FER1L5: variants seen among roughly 807,000 people sequenced by gnomAD.
FER1L5 encodes the protein fer-1-like protein 5.
FER1L5 carries 187 observed loss-of-function variants against 279.9 expected under a neutral mutation model. The observed-to-expected ratio is 0.67, with a 90% CI of 0.59 to 0.75. FER1L5 has a LOEUF of 0.75. Ranked by LOEUF, FER1L5 falls within the 30% of genes least tolerant of loss-of-function variation. The pLI, the probability that FER1L5 is intolerant of heterozygous loss-of-function variation, is 0.00. For synonymous variants in FER1L5, 921 were observed against 989.7 expected, an observed-to-expected ratio of 0.93 and a Z score of 1.30; for missense variants, 2,091 against 2,594.4, an observed-to-expected ratio of 0.81 and a Z score of 4.21.
Position 96,701,389 on chromosome 2 carries a change from G to A in FER1L5, c.5071-566G>A, listed in dbSNP as rs115834234. On this transcript the variant is annotated intron_variant, in intron 45 of 52. Coordinates refer to ENST00000624922, the MANE Select transcript of FER1L5 (RefSeq NM_001293083.2). ...TCAGAAGAATATAATGAGGTCAGGT[G>A]GTCTGAAAGGCAGAACGTATTTGTG... is the stretch of plus-strand genomic sequence containing the variant. Among the ~76,000 whole-genome samples, 530 of 152,274 alleles carry A rather than the reference G, an allele frequency of 3.5e-3. 2 individuals carry two copies. The highest frequency in any genetic ancestry group is 0.011 in the Admixed American group (167 of 15,300).
intron 10 of FER1L5, among the ~76,000 whole-genome samples, chr2:96,660,675 C>T (rs1040363499): frequency 2.6e-5 from 4 of 152,202 alleles, no homozygotes; most frequent in Non-Finnish European, 2.9e-5. Context: ...CTGCTTCAGC[C>T]TCCCAAGTAG....
At chr2:96,688,973 T>C (rs971472017) in intron 24 of FER1L5, 1 of 488,980 alleles carries the variant, frequency 2.0e-6, no homozygotes, top group Non-Finnish European at 3.6e-6. Context: ...AGATGTCTTA[T>C]GATATCTCTG....
chr2:96,643,335 CA>C (rs2074963975), intron 1 of FER1L5, among the ~76,000 whole-genome samples: 1 of 152,060 alleles, frequency 6.6e-6, no homozygotes, highest in Non-Finnish European at 1.5e-5. Context: ...ATTGACAAGG[CA>C]TTATTATTAT....
chr2:96,702,096 C>T lies in FER1L5; in HGVS notation c.5159+53C>T. 1.3e-6 allele frequency: 2 copies of T among 1,595,948 alleles called. No homozygotes were observed. The highest frequency in any genetic ancestry group is 1.7e-6 in the Non-Finnish European group (2 of 1,165,314). On this transcript the variant is annotated intron_variant, in intron 46 of 52. Coordinates refer to ENST00000624922, the MANE Select transcript of FER1L5 (RefSeq NM_001293083.2). The surrounding 1 kb of genome is among the most constrained non-coding windows in gnomAD (Gnocchi z 4.0). ...TGCATTTCACAGTTCAGAACTCCCC[C>T]AGTGCAGGGCACCACTGTCCTCAGG...
intron 2 of FER1L5, among the ~76,000 whole-genome samples, 185 bp downstream of exon 2, chr2:96,646,638 C>T (rs569231901): frequency 6.6e-6 from 1 of 152,308 alleles, no homozygotes; most frequent in South Asian, 2.1e-4. Flanking sequence ...GAAGGCCACA[C>T]CTGCCCACGA....
Position 96,698,294 on chromosome 2 carries a change from A to T in FER1L5, c.4356+138A>T, listed in dbSNP as rs190365208. On this transcript the variant is annotated intron_variant, in intron 40 of 52. Coordinates refer to ENST00000624922, the MANE Select transcript of FER1L5 (RefSeq NM_001293083.2). This position sits in a 1 kb window ranked among gnomAD's most constrained non-coding sequence, Gnocchi z 5.5. ...GAGAACGTTCTGGGAGTGGAGGAGC[A>T]GAGATTCGCCTCCACAGGAACTCGG... 2.6e-5 allele frequency: 34 copies of T among 1,318,652 alleles called. No homozygotes were observed. In the East Asian group the frequency reaches 8.6e-4, roughly 34 times the overall value. 81.7% of individuals were successfully genotyped at this position (1,318,652 alleles called of 1,614,324 possible). A position where few individuals can be genotyped will look rare whatever the true frequency, so the allele number is the denominator to read the frequency against.
chr2:96,649,005 T>G (rs1573769598), intron 4 of FER1L5, among the ~76,000 whole-genome samples: 2 of 117,246 alleles, frequency 1.7e-5, no homozygotes, highest in African/African-American at 6.8e-5. Flanking sequence ...GGAGGCAGGG[T>G]GAGGGAGGGT....
chr2:96,687,103 C>T (rs1220590848), intron 23 of FER1L5, among the ~76,000 whole-genome samples: 1 of 152,172 alleles, frequency 6.6e-6, no homozygotes, highest in South Asian at 2.1e-4. Context: ...TCTAATCCTC[C>T]CTGGGGGGAC....
chr2:96,674,479 C>T (rs776519986), intron 19 of FER1L5, among the ~76,000 whole-genome samples: 1 of 152,202 alleles, frequency 6.6e-6, no homozygotes, highest in Non-Finnish European at 1.5e-5. Flanking sequence ...CCATCTCGGT[C>T]TCCCAAAGTG....
chr2:96,677,422 T>A (rs1335722233), intron 19 of FER1L5, among the ~76,000 whole-genome samples: 1 of 152,248 alleles, frequency 6.6e-6, no homozygotes, highest in Non-Finnish European at 1.5e-5. Context: ...TCACTTGGCG[T>A]AATGTTTTCC....
At position 96,693,543 on chromosome 2, in the gene FER1L5, G is replaced by T; in HGVS notation, c.3330G>T (p.Gln1110His). 1 of 1,551,376 alleles carries T rather than the reference G, an allele frequency of 6.4e-7. No individual in the cohort carries two copies. Among genetic ancestry groups the T allele is most frequent in the South Asian group, 1.2e-5 (1 of 84,030 alleles). ...FIRVVFLNHS[Q>H]CTQTLRSSAG... is the part of the protein sequence containing the mutation. ...GGGTGGTCTTCCTGAACCACAGCCA[G>T]TGCACCCAAACCCTGAGGAGCTCTG... Residue 1110 changes from glutamine (Q) to histidine (H), a missense_variant, in exon 32 of 53, where the codon CAG becomes CAT. Physicochemically the swap from Gln to His is conservative, Grantham distance 24. Coordinates refer to ENST00000624922, the MANE Select transcript of FER1L5 (RefSeq NM_001293083.2).
rs747881322 is a variant in FER1L5, at chr2:96,693,932, C to T, written c.3496C>T (p.Arg1166Trp). The T allele has an allele frequency of 2.6e-5, 41 of 1,550,432 alleles. No homozygotes were observed. Among genetic ancestry groups the T allele is most frequent in the Middle Eastern group, 3.3e-4 (2 of 5,976 alleles). The change falls in exon 33 of 53, where the codon CGG becomes TGG. Residue 1166 changes from arginine (R) to tryptophan (W), a missense_variant. Arg to Trp is a moderately radical substitution (Grantham distance 101). Transcript: ENST00000624922. ...CCAGGGCAAGGAGAGCTTGTGGGGACGGAGCGTGTGGCCCCCAATGGTCTG... is the reference window on the plus strand; with the variant it reads ...CCAGGGCAAGGAGAGCTTGTGGGGATGGAGCGTGTGGCCCCCAATGGTCTG... ...DFWGKESLWGRSVWPPMVWLD... is the reference protein window; with the variant it reads ...DFWGKESLWGWSVWPPMVWLD...
At chr2:96,653,612 C>T in intron 7 of FER1L5, 28 bp from the exon 8 acceptor site, 1 of 1,528,148 alleles carries the variant, frequency 6.5e-7, no homozygotes. Context: ...AGAAATCATC[C>T]ACTCTACCCC....
rs1023022007 is a variant in FER1L5 at position 96,703,345 on chromosome 2, C to T, written c.5690C>T (p.Ser1897Leu). ...CTCGATGGTGGCAAATGGCGCTTGTCGGTAGGAGCTGGGGAGTGTCTACTG... is the reference window on the plus strand; with the variant it reads ...CTCGATGGTGGCAAATGGCGCTTGTTGGTAGGAGCTGGGGAGTGTCTACTG... ...QVLDGGKWRL[S>L]GKVKMSLEIL... Residue 1897 changes from serine to leucine, a missense_variant and splice_region_variant, in exon 50 of 53, where the codon TCG (serine) becomes TTG (leucine). Transcript: ENST00000624922. 3.7e-6 allele frequency: 6 copies of T among 1,608,134 alleles called. No individual in the cohort carries two copies. Among genetic ancestry groups the T allele is most frequent in the South Asian group, 2.2e-5 (2 of 89,858 alleles).
Position 96,695,885 on chromosome 2 carries a change from T to C in FER1L5, c.4038T>C (p.Tyr1346=), listed in dbSNP as rs1334554295. The change falls in exon 36 of 53, where the codon TAT becomes TAC. Residue 1346 remains tyrosine (Y), a synonymous_variant. Transcript: ENST00000624922. ...PYFCDPWAQD[Y]MHPKLPTLSE... ...TCTGTGACCCCTGGGCTCAAGACTA[T>C]ATGCACCCAAAGCTTCCAAGTACGG... The C allele has an allele frequency of 1.2e-6, 2 of 1,613,510 alleles. No homozygotes were observed. The highest frequency in any genetic ancestry group is 1.7e-6 in the Non-Finnish European group (2 of 1,179,824).
At chr2:96,704,112 G>A in intron 51 of FER1L5, 103 bp from the exon 52 acceptor site, 1 of 1,386,988 alleles carries the variant, frequency 7.2e-7, no homozygotes, top group Non-Finnish European at 9.7e-7. Flanking sequence ...CACTGTGCCT[G>A]GCCCAGTAGT....
intron 19 of FER1L5, among the ~76,000 whole-genome samples, chr2:96,683,578 C>G (rs11682671): frequency 0.14 from 21,703 of 151,104 alleles, 2,564 homozygotes; most frequent in Non-Finnish European, 0.2. Context: ...GGGGGGGACA[C>G]AGCCAGTCTG....
Position 96,652,039 on chromosome 2 carries a change from A to G in FER1L5, c.633+19A>G. The stretch of plus-strand genomic sequence containing the variant: ...TAATGAGGTGGGCTGAACGGGGCAC[A>G]TCAGGCAAGGAGCCAGCCAAGGGCT... On this transcript the variant is annotated intron_variant, in intron 7 of 52. Transcript: ENST00000624922. The G allele has an allele frequency of 6.4e-7, 1 of 1,551,566 alleles. No individual in the cohort carries two copies. The highest frequency in any genetic ancestry group is 1.2e-5 in the South Asian group (1 of 84,058).
intron 13 of FER1L5, 97 bp from the exon 14 acceptor site, chr2:96,663,342 G>A: frequency 1.8e-6 from 2 of 1,111,350 alleles, no homozygotes; most frequent in Non-Finnish European, 2.7e-6. Flanking sequence ...CTGTGCTGTG[G>A]TGTCCACTGG....
Sources: gnomAD v4.1 joint callset for allele counts (sites outside exome capture counted in the v4.1 genomes callset) on GRCh38, gnomAD v4.1.1 for gene constraint, Gnocchi (gnomAD v3.1) non-coding constraint, MANE v1.5 for transcripts, NCBI Gene and HGNC (gene_info 2026-07-23, HGNC 2026-07-21) for gene names.